Variants in CSMD1 observed in about 807,000 individuals in gnomAD.
CSMD1 encodes the protein CUB and sushi domain-containing protein 1.
CSMD1 carries 213 observed loss-of-function variants against 417.5 expected under a neutral mutation model. The ratio of observed to expected loss-of-function variants is 0.51; its 90% confidence interval spans 0.46 to 0.57. The LOEUF is 0.57. Among genes scored for constraint, CSMD1 ranks in the 20% least tolerant of loss-of-function variants. CSMD1 has a pLI of 0.00. For synonymous variants in CSMD1, 2,862 were observed against 1,736.8 expected (o/e 1.65, Z -16.11); for missense variants, 6,923 against 4,529.7 (o/e 1.53, Z -15.17).
In CSMD1 at chr8:3,789,330, T is replaced by C. The variant is rs565383626; in HGVS notation, c.819-35288A>G. On this transcript the variant is annotated intron_variant, in intron 5 of 69. Transcript: ENST00000635120. Reference sequence around the variant, plus strand: ...TATTGTGACAGCCCCAACAGACTAATACAGAGAATAATGTAACTTGTGTCT... The same window carrying C: ...TATTGTGACAGCCCCAACAGACTAACACAGAGAATAATGTAACTTGTGTCT... Among the ~76,000 whole-genome samples, 14 of 151,850 alleles carry C rather than the reference T, an allele frequency of 9.2e-5. 1 individual carries two copies. The highest frequency in any genetic ancestry group is 2.6e-4 in the Admixed American group (4 of 15,266).
At position 4,612,087 on chromosome 8, in the gene CSMD1, G is replaced by C. The variant is rs566815800; in HGVS notation, c.302+25255C>G. ...GGAGGTGAGGATAGAAGAGTGCTGG[G>C]AAGAGGAGGCACAGACTCTTTTCAT... On this transcript the variant is annotated intron_variant, in intron 2 of 69. Transcript: ENST00000635120. Among the ~76,000 whole-genome samples, 29 of 152,220 alleles carry C rather than the reference G, an allele frequency of 1.9e-4. No homozygotes were observed. In the East Asian group the frequency reaches 2.5e-3, roughly 13 times the overall value.
intron 2 of CSMD1, among the ~76,000 whole-genome samples, chr8:4,457,312 T>C (rs978065141): frequency 1.2e-4 from 18 of 152,204 alleles, no homozygotes; most frequent in Admixed American, 9.8e-4. Context: ...AAGACTACTT[T>C]TGAATTTGTA....
chr8:4,479,554 C>G (rs934056307), intron 2 of CSMD1, among the ~76,000 whole-genome samples: 1 of 152,128 alleles, frequency 6.6e-6, no homozygotes, highest in Non-Finnish European at 1.5e-5. Flanking sequence ...GTTTCACTTC[C>G]AGAGCACAAA....
At chr8:4,302,554 G>A (rs1034606660) in intron 3 of CSMD1, among the ~76,000 whole-genome samples, 1 of 152,100 alleles carries the variant, frequency 6.6e-6, no homozygotes, top group Non-Finnish European at 1.5e-5. Context: ...TTGAAAGTCA[G>A]GTTTCCGCCT....
rs545368641 is a variant in CSMD1 at position 3,095,307 on chromosome 8, T to C, written c.7138+1542A>G. Among the ~76,000 whole-genome samples the C allele has an allele frequency of 4.6e-5, 7 of 152,300 alleles. No individual in the cohort carries two copies. In the South Asian group the frequency reaches 1.4e-3, roughly 32 times the overall value. The stretch of plus-strand genomic sequence containing the variant: ...TACATTTTAATTTTTGCATAATACC[T>C]AATAGGCCTCAAATAGAGTTTACCT... On this transcript the variant is annotated intron_variant, in intron 47 of 69. Transcript: ENST00000635120.
At chr8:4,728,567 A>T (rs530783836) in intron 1 of CSMD1, among the ~76,000 whole-genome samples, 10 of 152,258 alleles carry the variant, frequency 6.6e-5, no homozygotes, top group Admixed American at 1.3e-4. Context: ...TCATGTCTTT[A>T]TTCAGCTCTG....
intron 2 of CSMD1, among the ~76,000 whole-genome samples, chr8:4,557,588 G>A (rs1259212287): frequency 6.6e-6 from 1 of 152,082 alleles, no homozygotes. Context: ...CTTAAAATGT[G>A]TGTGTGTTTT....
At chr8:4,220,299 A>G (rs1800949414) in intron 3 of CSMD1, among the ~76,000 whole-genome samples, 1 of 152,192 alleles carries the variant, frequency 6.6e-6, no homozygotes, top group Non-Finnish European at 1.5e-5. Flanking sequence ...TGACAAGGTT[A>G]TTTGACTGGA....
At chr8:3,436,429 T>C (rs62505604) in intron 12 of CSMD1, among the ~76,000 whole-genome samples, 18,122 of 152,154 alleles carry the variant, frequency 0.12, 1,135 homozygotes, top group African/African-American at 0.15. Flanking sequence ...TTTTGCCCAG[T>C]TGCTACTTAC....
chr8:4,268,720 C>G (rs1044589464), intron 3 of CSMD1, among the ~76,000 whole-genome samples: 1 of 151,262 alleles, frequency 6.6e-6, no homozygotes, highest in African/African-American at 2.4e-5. Flanking sequence ...GTAACATAAC[C>G]AAATACCCCC....
intron 3 of CSMD1, among the ~76,000 whole-genome samples, chr8:4,322,122 G>T (rs1799303940): frequency 6.6e-6 from 1 of 151,990 alleles, no homozygotes. Flanking sequence ...TAAAATATTG[G>T]ATCATTTTAT....
intron 7 of CSMD1, among the ~76,000 whole-genome samples, chr8:3,642,319 T>A (rs939536498): frequency 5.3e-5 from 8 of 152,126 alleles, no homozygotes. Flanking sequence ...GAAAAGAACT[T>A]GCTCTTTCCC....
chr8:3,531,581 T>C (rs915353217), intron 10 of CSMD1, among the ~76,000 whole-genome samples: 4 of 152,166 alleles, frequency 2.6e-5, no homozygotes, highest in Admixed American at 1.3e-4. Context: ...CCAGGTTCCA[T>C]CTGTGGTCTG....
intron 50 of CSMD1, among the ~76,000 whole-genome samples, chr8:3,033,130 T>G (rs1040339020): frequency 1.3e-5 from 2 of 152,116 alleles, no homozygotes; most frequent in Non-Finnish European, 2.9e-5. Context: ...ATATTTTATT[T>G]TGAAAGTTCT....
chr8:3,687,143 A>G (rs1799982646), intron 7 of CSMD1, among the ~76,000 whole-genome samples: 2 of 152,258 alleles, frequency 1.3e-5, no homozygotes, highest in African/African-American at 4.8e-5. Flanking sequence ...TACAAGCATG[A>G]TATAAGCATC....
chr8:4,148,092 A>T (rs766771323), intron 3 of CSMD1, among the ~76,000 whole-genome samples: 1 of 152,170 alleles, frequency 6.6e-6, no homozygotes, highest in African/African-American at 2.4e-5. Flanking sequence ...CTTGAAAAAC[A>T]TAACACAGAT....
chr8:4,512,088 T>C (rs976059651), intron 2 of CSMD1, among the ~76,000 whole-genome samples: 6 of 152,192 alleles, frequency 3.9e-5, no homozygotes, highest in Non-Finnish European at 7.3e-5. Context: ...AAGAATTATA[T>C]ACCATGTTTC....
chr8:4,176,576 C>T (rs897808384), intron 3 of CSMD1, among the ~76,000 whole-genome samples: 3 of 151,202 alleles, frequency 2.0e-5, no homozygotes, highest in Non-Finnish European at 4.4e-5. Flanking sequence ...GTAGAAGTAC[C>T]CTCTAGTAGA....
chr8:4,860,412 A>T lies in CSMD1; in HGVS notation c.85+133920T>A, dbSNP rs550604048. Among the ~76,000 whole-genome samples, 334 of 144,752 alleles carry T rather than the reference A, an allele frequency of 2.3e-3. 3 individuals carry two copies. The highest frequency in any genetic ancestry group is 7.7e-3 in the African/African-American group (305 of 39,554). 95.0% of individuals were successfully genotyped at this position (144,752 alleles called of 152,430 possible). A position where few individuals can be genotyped will look rare whatever the true frequency, so the allele number is the denominator to read the frequency against. Reference sequence around the variant, plus strand: ...TGTACCCAAAAACTTAAAGTATATAAAAAAAAAAAAAGTGTGTGCCACTCC... The same window carrying T: ...TGTACCCAAAAACTTAAAGTATATATAAAAAAAAAAAGTGTGTGCCACTCC... On this transcript the variant is annotated intron_variant, in intron 1 of 69. Coordinates refer to ENST00000635120, the MANE Select transcript of CSMD1 (RefSeq NM_033225.6).
Sources: allele counts gnomAD v4.1 joint callset (sites outside exome capture counted in the v4.1 genomes callset), GRCh38; gene constraint gnomAD v4.1.1; transcripts MANE v1.5; gene names NCBI Gene and HGNC (gene_info 2026-07-23, HGNC 2026-07-21).